The following INPP4B variants were observed in gnomAD, a reference collection of about 807,000 sequenced individuals.
INPP4B encodes the protein inositol polyphosphate-4-phosphatase type II B.
Under a neutral mutation model 122.5 loss-of-function variants are expected in INPP4B, and 55 were observed. The ratio of observed to expected loss-of-function variants is 0.45; its 90% CI spans 0.36 to 0.56. The LOEUF (loss-of-function observed/expected upper bound fraction) is 0.56. Among genes scored for constraint, INPP4B ranks in the 20% least tolerant of loss-of-function variants. INPP4B has a pLI of 0.00. For synonymous variants in INPP4B, 403 were observed against 388.7 expected (o/e 1.04, Z -0.43); for missense variants, 1,000 against 1,097.7 (o/e 0.91, Z 1.26).
intron 15 of INPP4B, among the ~76,000 whole-genome samples, chr4:142,192,115 C>T (rs1307603931): frequency 2.0e-5 from 3 of 150,834 alleles, no homozygotes; most frequent in Admixed American, 2.0e-4. Context: ...ACTATTTTTC[C>T]CTAACTTTCA....
At chr4:142,831,285 G>A (rs1782103560) in intron 1 of INPP4B, among the ~76,000 whole-genome samples, 1 of 152,156 alleles carries the variant, frequency 6.6e-6, no homozygotes, top group South Asian at 2.1e-4. Context: ...ACAGTTGCCT[G>A]ACAGTTCTAT....
chr4:142,786,776 A>T (rs1775821796), intron 1 of INPP4B, among the ~76,000 whole-genome samples: 1 of 152,116 alleles, frequency 6.6e-6, no homozygotes, highest in Non-Finnish European at 1.5e-5. Context: ...ATAATCAAGA[A>T]AACACAATAG....
rs1782023225 is a variant in INPP4B, at chr4:142,096,824, A to G, written c.2375-10568T>C. Among the ~76,000 whole-genome samples, 9 of 152,208 alleles carry G rather than the reference A, an allele frequency of 5.9e-5. No individual in the cohort carries two copies. The South Asian group carries it at 1.9e-3, about 31-fold the overall frequency. On this transcript the variant is annotated intron_variant, in intron 23 of 25. Coordinates refer to ENST00000262992, the MANE Select transcript of INPP4B (RefSeq NM_001101669.3). ...AAATCTACAATCTTCAGTTCACTGC[A>G]GAAGCCATTAGACAGCAATGGTGGA...
At chr4:142,190,634 A>C (rs1835360754) in intron 15 of INPP4B, among the ~76,000 whole-genome samples, 1 of 152,142 alleles carries the variant, frequency 6.6e-6, no homozygotes, top group East Asian at 1.9e-4. Context: ...ATGAAACACA[A>C]ATGAAAAATT....
intron 2 of INPP4B, among the ~76,000 whole-genome samples, chr4:142,662,524 C>A (rs1408982471): frequency 6.6e-6 from 1 of 152,104 alleles, no homozygotes; most frequent in Non-Finnish European, 1.5e-5. Context: ...TTCCTAGCTA[C>A]CCTGGATTCA....
intron 11 of INPP4B, among the ~76,000 whole-genome samples, chr4:142,255,197 G>C (rs959469113): frequency 9.9e-5 from 15 of 151,924 alleles, no homozygotes; most frequent in Non-Finnish European, 1.8e-4. Context: ...AAGAGCTCCT[G>C]AAGGAAGCGC....
intron 2 of INPP4B, among the ~76,000 whole-genome samples, chr4:142,598,115 G>A (rs2150282350): frequency 6.6e-6 from 1 of 152,238 alleles, no homozygotes; most frequent in African/African-American, 2.4e-5. Context: ...AACTCATGGG[G>A]ACCACTAGAG....
intron 9 of INPP4B, among the ~76,000 whole-genome samples, chr4:142,286,080 A>G (rs1753530178): frequency 6.6e-6 from 1 of 152,166 alleles, no homozygotes; most frequent in Non-Finnish European, 1.5e-5. Context: ...TTTTTGTTAA[A>G]AGGAGGAAAA....
At chr4:142,701,810 T>G (rs1761812960) in intron 2 of INPP4B, among the ~76,000 whole-genome samples, 1 of 152,142 alleles carries the variant, frequency 6.6e-6, no homozygotes, top group African/African-American at 2.4e-5. Context: ...AATAGACACT[T>G]GGGTAGGTTG....
intron 1 of INPP4B, among the ~76,000 whole-genome samples, chr4:142,758,725 G>A (rs1770861625): frequency 6.6e-6 from 1 of 152,138 alleles, no homozygotes; most frequent in Admixed American, 6.6e-5. Context: ...GGCCAAGGCA[G>A]GTGGATCACC....
At chr4:142,474,272 C>A (rs1580158531) in intron 2 of INPP4B, 1 of 152,228 alleles carries the variant, frequency 6.6e-6, no homozygotes, top group East Asian at 1.9e-4. Context: ...CTGAACTCAG[C>A]CAGTGAGTGC....
chr4:142,049,146 TAATTAAA>T (rs1753127225), intron 25 of INPP4B, among the ~76,000 whole-genome samples: 1 of 151,920 alleles, frequency 6.6e-6, no homozygotes, highest in Non-Finnish European at 1.5e-5. Flanking sequence ...ATTTTTACAG[TAATTAAA>T]AAAAATGTAA....
chr4:142,126,313 T>C (rs546477682), intron 18 of INPP4B, among the ~76,000 whole-genome samples: 1 of 152,266 alleles, frequency 6.6e-6, no homozygotes, highest in South Asian at 2.1e-4. Context: ...ATGTGAGTGG[T>C]AAATAATCAG....
At chr4:142,624,476 T>C (rs1745817532) in intron 2 of INPP4B, among the ~76,000 whole-genome samples, 2 of 152,028 alleles carry the variant, frequency 1.3e-5, no homozygotes. Context: ...TAGCCCTTTG[T>C]CAGATGAGTA....
intron 3 of INPP4B, among the ~76,000 whole-genome samples, chr4:142,433,432 T>C (rs1809764734): frequency 1.3e-5 from 2 of 152,110 alleles, no homozygotes; most frequent in Admixed American, 1.3e-4. Context: ...ACTCAGAAAA[T>C]ACTCTTGGTT....
At chr4:142,800,577 G>A (rs1343722590) in intron 1 of INPP4B, among the ~76,000 whole-genome samples, 2 of 152,112 alleles carry the variant, frequency 1.3e-5, no homozygotes, top group South Asian at 2.1e-4. Flanking sequence ...ATTCCTGAAA[G>A]GAAAGGGAAA....
chr4:142,658,813 G>C (rs1754628455), intron 2 of INPP4B, among the ~76,000 whole-genome samples: 1 of 152,144 alleles, frequency 6.6e-6, no homozygotes, highest in East Asian at 1.9e-4. Flanking sequence ...TTCCTGACCT[G>C]TGGTCAGTAA....
intron 18 of INPP4B, among the ~76,000 whole-genome samples, chr4:142,135,387 T>G (rs1396292230): frequency 1.3e-5 from 2 of 152,156 alleles, no homozygotes; most frequent in African/African-American, 4.8e-5. Flanking sequence ...ATGTGGAATT[T>G]ATCACATTTT....
intron 15 of INPP4B, among the ~76,000 whole-genome samples, chr4:142,178,420 T>G (rs915678776): frequency 1.3e-5 from 2 of 152,164 alleles, no homozygotes; most frequent in Non-Finnish European, 2.9e-5. Flanking sequence ...CCTTGACTTA[T>G]GGTTAGGGTT....
Sources: allele counts gnomAD v4.1 joint callset (sites outside exome capture counted in the v4.1 genomes callset), GRCh38; gene constraint gnomAD v4.1.1; transcripts MANE v1.5; gene names NCBI Gene and HGNC (gene_info 2026-07-23, HGNC 2026-07-21).